PTPRT: variants seen among roughly 807,000 people sequenced by gnomAD.
PTPRT encodes receptor-type tyrosine-protein phosphatase T.
In PTPRT, 56 loss-of-function variants were observed where a neutral mutation model predicts 176.8. The observed-to-expected ratio is 0.32, with a 90% CI of 0.26 to 0.40. PTPRT has a LOEUF of 0.40. Among genes scored for constraint, PTPRT ranks in the 10% least tolerant of loss-of-function variants. The pLI is 1.00. For missense variants in PTPRT, 1,540 were observed against 1,908.2 expected, an observed-to-expected ratio of 0.81 and a Z score of 3.60; for synonymous variants, 783 against 739.0, an observed-to-expected ratio of 1.06 and a Z score of -0.96.
At chr20:42,485,696 T>C (rs187329165) in intron 7 of PTPRT, among the ~76,000 whole-genome samples, 78 of 152,272 alleles carry the variant, frequency 5.1e-4, no homozygotes, top group African/African-American at 1.8e-3. Context: ...CCCAGGACAT[T>C]CTTGATCTTC....
intron 1 of PTPRT, among the ~76,000 whole-genome samples, chr20:42,886,166 C>T (rs1263522160): frequency 6.6e-6 from 1 of 152,044 alleles, no homozygotes; most frequent in African/African-American, 2.4e-5. Context: ...GTTAATAAGG[C>T]TAGTTACATT....
intron 13 of PTPRT, among the ~76,000 whole-genome samples, chr20:42,259,730 G>C (rs892020636): frequency 6.6e-6 from 1 of 152,206 alleles, no homozygotes; most frequent in Non-Finnish European, 1.5e-5. Flanking sequence ...CAGAGATCAG[G>C]AGTCAACTTA....
intron 1 of PTPRT, among the ~76,000 whole-genome samples, chr20:43,065,732 T>C (rs2011106788): frequency 6.6e-6 from 1 of 152,148 alleles, no homozygotes; most frequent in African/African-American, 2.4e-5. Flanking sequence ...GGCTCACATG[T>C]ACATGAAAGA....
rs550841502 is a variant in PTPRT, at chr20:42,656,831, C to T, written c.1153+21035G>A. Among the ~76,000 whole-genome samples the T allele has an allele frequency of 1.1e-3, 164 of 152,236 alleles. 1 individual carries two copies. The highest frequency in any genetic ancestry group is 3.9e-3 in the African/African-American group (161 of 41,536). On this transcript the variant is annotated intron_variant, in intron 7 of 30. Coordinates refer to ENST00000373187, the MANE Select transcript of PTPRT (RefSeq NM_007050.6). ...AAGACTGTAATCAAAACAATGCCTC[C>T]ACTCTCTCACCCCCTTTTCACCTAT... is the stretch of plus-strand genomic sequence containing the variant.
intron 6 of PTPRT, among the ~76,000 whole-genome samples, chr20:42,719,422 A>C (rs925275138): frequency 1.3e-5 from 2 of 152,210 alleles, no homozygotes; most frequent in African/African-American, 4.8e-5. Context: ...CAAGAGATAT[A>C]GTTATGGAAG....
chr20:42,041,180 T>G, the PTPRT span, among the ~76,000 whole-genome samples: 1 of 152,174 alleles, frequency 6.6e-6, no homozygotes, highest in African/African-American at 2.4e-5. Context: ...GCTGAATAAG[T>G]CCAATCCACT....
intron 7 of PTPRT, among the ~76,000 whole-genome samples, chr20:42,478,833 C>A (rs1213757770): frequency 6.6e-6 from 1 of 152,118 alleles, no homozygotes; most frequent in Non-Finnish European, 1.5e-5. Context: ...CCACTGCCAA[C>A]CTGTGAGCCC....
chr20:42,522,868 A>C (rs1344481422), intron 7 of PTPRT, among the ~76,000 whole-genome samples: 1 of 152,194 alleles, frequency 6.6e-6, no homozygotes, highest in Non-Finnish European at 1.5e-5. Context: ...AATATAGTCC[A>C]AAATTTCATT....
At chr20:42,153,031 C>T (rs6016700) in intron 17 of PTPRT, among the ~76,000 whole-genome samples, 20,319 of 152,144 alleles carry the variant, frequency 0.13, 3,486 homozygotes, top group African/African-American at 0.4. Flanking sequence ...CTCTACCCAT[C>T]TTCTTCTACT....
intron 1 of PTPRT, among the ~76,000 whole-genome samples, chr20:42,996,136 A>G (rs1984209332): frequency 6.6e-6 from 1 of 152,198 alleles, no homozygotes; most frequent in Non-Finnish European, 1.5e-5. Context: ...GTGAAAGAAG[A>G]GAGTTCCCAG....
chr20:43,123,245 A>G (rs1247741914), intron 1 of PTPRT, among the ~76,000 whole-genome samples: 1 of 152,222 alleles, frequency 6.6e-6, no homozygotes, highest in Non-Finnish European at 1.5e-5. Flanking sequence ...AATCAACACA[A>G]GGGGAAGAGT....
At chr20:42,382,959 G>C (rs766924839) in intron 9 of PTPRT, among the ~76,000 whole-genome samples, 16 of 152,078 alleles carry the variant, frequency 1.1e-4, no homozygotes, top group Admixed American at 2.6e-4. Flanking sequence ...TTAGGTGTCT[G>C]AGCTCTGCAA....
At position 42,731,416 on chromosome 20, in the gene PTPRT, T is replaced by C. The variant is rs1255573021; in HGVS notation, c.859+25046A>G. On this transcript the variant is annotated intron_variant, in intron 6 of 30. Transcript: ENST00000373187. ...TCAGAAAAGATGGCTCCAGTGGAGA[T>C]GGTAGTATTTCTCTTTCACAAACAC... 2.0e-5 allele frequency among the ~76,000 whole-genome samples: 3 copies of C among 152,138 alleles called. No individual in the cohort carries two copies. In the East Asian group the frequency reaches 5.8e-4, roughly 29 times the overall value.
At chr20:43,129,613 CTTTTTTT>C (rs869293740) in intron 1 of PTPRT, among the ~76,000 whole-genome samples, 47 of 87,272 alleles carry the variant, frequency 5.4e-4, no homozygotes, top group Admixed American at 1.7e-4. Context: ...CCAAAGAGTT[CTTTTTTT>C]TTTTTTTTTT....
At chr20:42,893,103 G>A (rs895306223) in intron 1 of PTPRT, among the ~76,000 whole-genome samples, 12 of 152,068 alleles carry the variant, frequency 7.9e-5, no homozygotes, top group South Asian at 4.2e-4. Context: ...GAAAATTTTC[G>A]CAACCTACTC....
chr20:42,144,459 A>G (rs1250553738), intron 17 of PTPRT, among the ~76,000 whole-genome samples: 1 of 152,150 alleles, frequency 6.6e-6, no homozygotes, highest in African/African-American at 2.4e-5. Flanking sequence ...TAGGGAAGAG[A>G]TAGAAGTCAT....
At chr20:42,623,292 C>A (rs1261716454) in intron 7 of PTPRT, among the ~76,000 whole-genome samples, 2 of 152,156 alleles carry the variant, frequency 1.3e-5, no homozygotes, top group East Asian at 3.9e-4. Flanking sequence ...TCGCAGACAC[C>A]CACCCTTAGA....
intron 1 of PTPRT, among the ~76,000 whole-genome samples, chr20:42,997,442 C>G (rs1984284770): frequency 1.3e-5 from 2 of 152,174 alleles, no homozygotes; most frequent in Admixed American, 6.5e-5. Flanking sequence ...TTGAGAGAAA[C>G]TGAGCCCTCC....
intron 11 of PTPRT, among the ~76,000 whole-genome samples, chr20:42,319,166 T>C (rs1008015307): frequency 6.6e-6 from 1 of 151,992 alleles, no homozygotes; most frequent in Non-Finnish European, 1.5e-5. Context: ...AGATTACACA[T>C]GAGGAGGCTG....
Sources: allele counts gnomAD v4.1 joint callset (sites outside exome capture counted in the v4.1 genomes callset), GRCh38; gene constraint gnomAD v4.1.1; transcripts MANE v1.5; gene names NCBI Gene and HGNC (gene_info 2026-07-23, HGNC 2026-07-21).